The following AZIN1 variants were observed in gnomAD, a reference collection of about 807,000 sequenced individuals.
The protein encoded by AZIN1 is antizyme inhibitor 1.
Under a neutral mutation model 47.4 loss-of-function variants are expected in AZIN1, and 12 were observed. The ratio of observed to expected loss-of-function variants is 0.25; its 90% CI spans 0.16 to 0.41. The LOEUF is 0.41. AZIN1 is among the 10% of genes least tolerant of loss of function. AZIN1 has a pLI of 1.00. For synonymous variants in AZIN1, 155 were observed against 176.3 expected (o/e 0.88, Z 0.96); for missense variants, 410 against 532.4 (o/e 0.77, Z 2.26).
At chr8:102,836,521 T>C in intron 5 of AZIN1, 131 bp from the exon 6 acceptor site, 13 of 962,398 alleles carry the variant, frequency 1.4e-5, no homozygotes, top group Non-Finnish European at 2.0e-5. Flanking sequence ...ATGAATCAAG[T>C]GAACCTAATG....
chr8:102,843,422 G>A, intron 3 of AZIN1, 129 bp downstream of exon 3: 1 of 711,910 alleles, frequency 1.4e-6, no homozygotes, highest in Non-Finnish European at 2.3e-6. Context: ...TGTGGGGGAG[G>A]AAGGTCAAGT....
chr8:102,837,451 TAAG>T (rs1811895121), intron 5 of AZIN1, among the ~76,000 whole-genome samples: 1 of 152,170 alleles, frequency 6.6e-6, no homozygotes, highest in Admixed American at 6.5e-5. Context: ...TTACATAAAC[TAAG>T]AAGGTTAATA....
At chr8:102,839,206 G>A (rs995572631) in intron 4 of AZIN1, among the ~76,000 whole-genome samples, 6 of 152,080 alleles carry the variant, frequency 3.9e-5, no homozygotes, top group African/African-American at 9.7e-5. Context: ...AAAGTGAGAC[G>A]AGGTCTCACT....
intron 6 of AZIN1, 128 bp downstream of exon 6, chr8:102,836,128 G>A: frequency 1.0e-6 from 1 of 991,670 alleles, no homozygotes; most frequent in Non-Finnish European, 1.5e-6. Flanking sequence ...ACACATACAT[G>A]TGTGTTAAAA....
Position 102,829,381 on chromosome 8 carries a change from C to A in AZIN1, c.1126G>T (p.Gly376Ter). The change falls in exon 11 of 12, where the codon GGA (glycine) becomes TGA (stop). Residue 376 changes from glycine (G) to a stop codon, truncating the protein, a stop_gained. Transcript: ENST00000337198. LOFTEE classifies it high-confidence loss of function. ...ATGTTATCAAAGATAAGCCAATCTC[C>A]CACATTCAGCTCAGGAAGAAGACAG... ...ESCLLPELNV[G>*]DWLIFDNMGA... 6.2e-7 allele frequency: 1 copy of A among 1,614,068 alleles called. No homozygotes were observed. The highest frequency in any genetic ancestry group is 8.5e-7 in the Non-Finnish European group (1 of 1,179,950).
chr8:102,841,639 G>A (rs931873682), intron 3 of AZIN1, among the ~76,000 whole-genome samples: 3 of 151,960 alleles, frequency 2.0e-5, no homozygotes, highest in African/African-American at 4.8e-5. Context: ...ATGAGGGGAA[G>A]ATGAACACGT....
chr8:102,834,620 C>A lies in AZIN1; in HGVS notation c.666+46G>T, dbSNP rs770008496. The A allele has an allele frequency of 1.2e-5, 18 of 1,444,922 alleles. No individual in the cohort carries two copies. In the South Asian group the frequency reaches 1.9e-4, roughly 15 times the overall value. The allele number at this position is 1,444,922 out of a possible 1,614,324, so 89.5% of individuals were successfully genotyped here. A position where few individuals can be genotyped will look rare whatever the true frequency, so the allele number is the denominator to read the frequency against. On this transcript the variant is annotated intron_variant, in intron 7 of 11. Coordinates refer to ENST00000337198, the MANE Select transcript of AZIN1 (RefSeq NM_148174.4). ...AAATACTTAGTCTTTAACTTAACAT[C>A]CTGGCTAAAATAAAATATCAAAATA... is the stretch of plus-strand genomic sequence containing the variant.
chr8:102,836,198 AAGAC>A (rs1270713191), intron 6 of AZIN1, 54 bp downstream of exon 6: 42 of 1,524,378 alleles, frequency 2.8e-5, no homozygotes, highest in Admixed American at 4.0e-5. Context: ...AATAACCAGA[AAGAC>A]AGGTTACCAC....
In AZIN1 at chr8:102,839,822, G is replaced by A. The variant is rs149466601; in HGVS notation, c.104C>T (p.Thr35Ile). The change falls in exon 4 of 12, where the codon ACA becomes ATA. Residue 35 changes from threonine (T) to isoleucine (I), a missense_variant and splice_region_variant. Around this residue, in one of 3 missense-constraint regions of AZIN1, gnomAD observed 237 missense variants for 309.4 expected, o/e 0.77. Coordinates refer to ENST00000337198, the MANE Select transcript of AZIN1 (RefSeq NM_148174.4). ...TCCCACAAAAAATGCATTTTTCCCT[G>A]TCTATTATGGTTATAAAAAAAAAGA... ...IDNYVYEHTL[T>I]GKNAFFVGDL... 334 of 1,554,818 alleles carry A rather than the reference G, an allele frequency of 2.1e-4. 2 individuals are homozygous for A. The highest frequency in any genetic ancestry group is 5.1e-4 in the Middle Eastern group (3 of 5,830).
chr8:102,834,760 G>A lies in AZIN1; in HGVS notation c.585-13C>T, dbSNP rs781563194. ...CGAAACATGAAATCTGAAACACATA[G>A]AATACTAAATTTAAAGGAGCAGAAA... On this transcript the variant is annotated splice_polypyrimidine_tract_variant and intron_variant, in intron 6 of 11. Transcript: ENST00000337198. 1.3e-6 allele frequency: 2 copies of A among 1,588,806 alleles called. No individual in the cohort carries two copies. Among genetic ancestry groups the A allele is most frequent in the South Asian group, 1.1e-5 (1 of 89,258 alleles).
At chr8:102,831,475 T>TAA (rs60399766) in intron 9 of AZIN1, among the ~76,000 whole-genome samples, 149 of 134,836 alleles carry the variant, frequency 1.1e-3, no homozygotes, top group Middle Eastern at 3.7e-3. Flanking sequence ...GCATTTAAAT[T>TAA]AAAAAAAAAA....
intron 4 of AZIN1, 35 bp downstream of exon 4, chr8:102,839,613 AAT>A: frequency 7.0e-7 from 1 of 1,422,048 alleles, no homozygotes; most frequent in African/African-American, 1.4e-5. Flanking sequence ...TAAATTATTC[AAT>A]GTTTCAGTTT....
rs895470043 is a variant in AZIN1 at position 102,843,705 on chromosome 8, G to A, written c.-53C>T. 39 of 1,608,306 alleles carry A rather than the reference G, an allele frequency of 2.4e-5. No individual in the cohort carries two copies. The highest frequency in any genetic ancestry group is 4.4e-5 in the South Asian group (4 of 90,434). On this transcript the variant is annotated 5_prime_UTR_variant, in exon 3 of 12. Coordinates refer to ENST00000337198, the MANE Select transcript of AZIN1 (RefSeq NM_148174.4). ...TCATAAACCAGGAAAGACAAGAGAC[G>A]GGCCACCAAGCCTATGTCTGGGTCC...
intron 7 of AZIN1, 52 bp from the exon 8 acceptor site, chr8:102,834,315 G>A (rs1456179130): frequency 6.8e-6 from 10 of 1,468,316 alleles, no homozygotes; most frequent in Admixed American, 1.7e-5. Context: ...TAATGGATAT[G>A]AGAACATTTT....
intron 8 of AZIN1, among the ~76,000 whole-genome samples, chr8:102,833,753 ATT>A (rs11355998): frequency 0.27 from 35,123 of 130,618 alleles, 4,876 homozygotes; most frequent in South Asian, 0.39. Flanking sequence ...GAAAGACTCA[ATT>A]TTTTTTTTTT....
rs929792764 is a variant in AZIN1 at position 102,864,129 on chromosome 8, G to T, written c.-556C>A. The T allele has an allele frequency of 1.2e-5, 2 of 171,084 alleles. No homozygotes were observed. Among genetic ancestry groups the T allele is most frequent in the African/African-American group, 4.8e-5 (2 of 41,564 alleles). The allele number at this position is 171,084 out of a possible 1,614,324, so 10.6% of individuals were successfully genotyped here. A position where few individuals can be genotyped will look rare whatever the true frequency, so the allele number is the denominator to read the frequency against. ...AGAAGGCGACGGCAGAAGAAAAAAG[G>T]AAAAACTGCGGCCGCGATCAGAGCC... On this transcript the variant is annotated 5_prime_UTR_variant, in exon 1 of 12. Transcript: ENST00000337198.
At chr8:102,844,336 G>A (rs528232926) in intron 2 of AZIN1, among the ~76,000 whole-genome samples, 254 of 141,750 alleles carry the variant, frequency 1.8e-3, no homozygotes, top group African/African-American at 5.9e-3. Context: ...GCAAGACTCC[G>A]TCTCTCCTAA....
chr8:102,837,002 G>C (rs1022614605), intron 5 of AZIN1, among the ~76,000 whole-genome samples: 2 of 151,994 alleles, frequency 1.3e-5, no homozygotes, highest in Admixed American at 1.3e-4. Context: ...CCTCATGAGA[G>C]TGCCTCCTGA....
chr8:102,862,559 A>G (rs1813750227), intron 1 of AZIN1, among the ~76,000 whole-genome samples: 1 of 152,226 alleles, frequency 6.6e-6, no homozygotes, highest in Non-Finnish European at 1.5e-5. Context: ...TTAATGAATT[A>G]TGAGGGCCTT....
Sources: gnomAD v4.1 joint callset for allele counts (sites outside exome capture counted in the v4.1 genomes callset) on GRCh38, gnomAD v4.1.1 for gene constraint, gnomAD v4.1.1 regional missense constraint, MANE v1.5 for transcripts, NCBI Gene and HGNC (gene_info 2026-07-23, HGNC 2026-07-21) for gene names.